GCSAML: variants seen among roughly 807,000 people sequenced by gnomAD.
The protein encoded by GCSAML is germinal center associated signaling and motility like.
GCSAML carries 9 observed loss-of-function variants against 13.0 expected under a neutral mutation model. That is an observed-to-expected ratio of 0.69 (90% CI 0.42 to 1.21). The LOEUF (loss-of-function observed/expected upper bound fraction) is 1.21. Ranked by LOEUF, GCSAML falls within the 50% of genes most tolerant of loss-of-function variation. GCSAML has a pLI of 0.00. For synonymous variants in GCSAML, 37 were observed against 52.9 expected, an observed-to-expected ratio of 0.70 and a Z score of 1.31; for missense variants, 143 against 153.4, an observed-to-expected ratio of 0.93 and a Z score of 0.36.
At chr1:247,537,707 G>A (rs114059300) in intron 2 of GCSAML, among the ~76,000 whole-genome samples, 2,634 of 151,808 alleles carry the variant, frequency 0.017, 77 homozygotes, top group African/African-American at 0.06. Context: ...TGGATACAAA[G>A]TGGCATCTCA....
intron 1 of GCSAML, among the ~76,000 whole-genome samples, chr1:247,552,944 C>T (rs533423148): frequency 1.6e-4 from 24 of 151,994 alleles, no homozygotes; most frequent in Non-Finnish European, 3.1e-4. Context: ...TTAGTGGAGA[C>T]GGGGTTTCAC....
chr1:247,535,777 A>G (rs1667196298), intron 2 of GCSAML, among the ~76,000 whole-genome samples: 1 of 152,186 alleles, frequency 6.6e-6, no homozygotes, highest in African/African-American at 2.4e-5. Flanking sequence ...AGATACTCAG[A>G]TTCTTAGTAC....
chr1:247,526,241 A>G lies in GCSAML; in HGVS notation c.-262-699A>G, dbSNP rs41305741. ...TGAATTCTTGCATTCCTTTCTTACCATGAGAAGCTTGCCATGTTGAGGGTG... is the reference window on the plus strand; with the variant it reads ...TGAATTCTTGCATTCCTTTCTTACCGTGAGAAGCTTGCCATGTTGAGGGTG... On this transcript the variant is annotated intron_variant, in intron 1 of 5. Transcript: ENST00000366489. The surrounding 1 kb of genome is among the most constrained non-coding windows in gnomAD (Gnocchi z 4.8). The G allele has an allele frequency of 0.19, 28,701 of 152,186 alleles. 2,878 individuals are homozygous for G. The highest frequency in any genetic ancestry group is 0.23 in the African/African-American group (9,726 of 41,510). The allele number at this position is 152,186 out of a possible 1,614,324, so 9.4% of individuals were successfully genotyped here.
chr1:247,532,542 T>C, intron 2 of GCSAML: 1 of 1,602,114 alleles, frequency 6.2e-7, no homozygotes, highest in Non-Finnish European at 8.5e-7. Flanking sequence ...AAAGGCCACC[T>C]GTGGGAAGAG....
chr1:247,520,718 A>G (rs1265993325), intron 1 of GCSAML, among the ~76,000 whole-genome samples: 1 of 151,996 alleles, frequency 6.6e-6, no homozygotes, highest in Admixed American at 6.5e-5. Flanking sequence ...TTCTTTTCTC[A>G]TGTTCAAATA....
At chr1:247,558,436 T>A (rs1344610201) in intron 2 of GCSAML, among the ~76,000 whole-genome samples, 1 of 152,192 alleles carries the variant, frequency 6.6e-6, no homozygotes, top group African/African-American at 2.4e-5. Context: ...AAATTCACCC[T>A]TCTCATATAT....
intron 2 of GCSAML, among the ~76,000 whole-genome samples, chr1:247,541,870 C>T (rs577536879): frequency 6.6e-6 from 1 of 151,962 alleles, no homozygotes. Flanking sequence ...ATTAGCCAGG[C>T]ATGGTGGTGC....
At chr1:247,554,037 A>C (rs935048809) in intron 1 of GCSAML, among the ~76,000 whole-genome samples, 23 of 152,160 alleles carry the variant, frequency 1.5e-4, no homozygotes, top group African/African-American at 5.6e-4. Context: ...TGTGATTTTT[A>C]AAAATTTGAT....
At chr1:247,561,937 C>T (rs1197933753) in intron 2 of GCSAML, among the ~76,000 whole-genome samples, 2 of 152,036 alleles carry the variant, frequency 1.3e-5, no homozygotes, top group South Asian at 2.1e-4. Flanking sequence ...ACCAAGGAGG[C>T]GTCTATTTGC....
rs1046957287 is a variant in GCSAML at position 247,576,185 on chromosome 1, C to T, written c.*1803C>T. On this transcript the variant is annotated 3_prime_UTR_variant, in exon 5 of 5. Transcript: ENST00000366488. The stretch of plus-strand genomic sequence containing the variant: ...ATTTTAAATAATTTTATGCCTGAAA[C>T]AGAGTTTGCGCACATTGGACCATCA... 6.6e-6 allele frequency: 1 copy of T among 152,084 alleles called. No homozygotes were observed. Among genetic ancestry groups the T allele is most frequent in the Non-Finnish European group, 1.5e-5 (1 of 68,026 alleles). The allele number at this position is 152,084 out of a possible 1,614,324, so 9.4% of individuals were successfully genotyped here. A position where few individuals can be genotyped will look rare whatever the true frequency, so the allele number is the denominator to read the frequency against.
At chr1:247,538,403 T>G (rs1396290234) in intron 2 of GCSAML, among the ~76,000 whole-genome samples, 1 of 152,196 alleles carries the variant, frequency 6.6e-6, no homozygotes, top group African/African-American at 2.4e-5. Context: ...ATGCCAAACT[T>G]CAGATTCACA....
intron 2 of GCSAML, among the ~76,000 whole-genome samples, chr1:247,541,418 C>T (rs934706655): frequency 6.6e-6 from 1 of 152,076 alleles, no homozygotes; most frequent in African/African-American, 2.4e-5. Flanking sequence ...CATTATATGT[C>T]GGTATTTTCC....
chr1:247,525,912 T>C (rs1461359967), intron 1 of GCSAML: 2 of 152,214 alleles, frequency 1.3e-5, no homozygotes, highest in African/African-American at 4.8e-5. Flanking sequence ...CCAAGGATTT[T>C]AGTAGTTGTA....
chr1:247,552,064 G>A (rs1243841209), intron 1 of GCSAML, among the ~76,000 whole-genome samples: 1 of 152,150 alleles, frequency 6.6e-6, no homozygotes, highest in African/African-American at 2.4e-5. Flanking sequence ...GCTGGCTTTG[G>A]GGAAAAGAGG....
chr1:247,569,417 G>C (rs562064783), intron 4 of GCSAML, among the ~76,000 whole-genome samples: 2 of 152,092 alleles, frequency 1.3e-5, no homozygotes, highest in Non-Finnish European at 2.9e-5. Context: ...TAGCATGAAG[G>C]GGTGTTAAAT....
intron 2 of GCSAML, among the ~76,000 whole-genome samples, chr1:247,560,468 C>T (rs1668086443): frequency 6.6e-6 from 1 of 152,130 alleles, no homozygotes; most frequent in African/African-American, 2.4e-5. Context: ...CCACCTTAAG[C>T]CGCCTTCCTG....
upstream of GCSAML, among the ~76,000 whole-genome samples, chr1:247,545,980 C>A (rs2859932): frequency 0.29 from 43,425 of 151,644 alleles, 7,134 homozygotes; most frequent in African/African-American, 0.46. Flanking sequence ...TCACGAAGAG[C>A]TACAAGGAAA....
rs748369614 is a variant in GCSAML at position 247,526,917 on chromosome 1, G to C, written c.-262-23G>C. ...GATGGGACTTCCCTCTATTTAGAAAGGTCTTCTTTCACTTTCTTTCAGGAT... is the reference window on the plus strand; with the variant it reads ...GATGGGACTTCCCTCTATTTAGAAACGTCTTCTTTCACTTTCTTTCAGGAT... On this transcript the variant is annotated intron_variant, in intron 1 of 5. Coordinates refer to the GCSAML transcript ENST00000366489. The surrounding 1 kb of genome is among the most constrained non-coding windows in gnomAD (Gnocchi z 4.8). The C allele has an allele frequency of 1.3e-5, 6 of 455,032 alleles. No individual in the cohort carries two copies. Among genetic ancestry groups the C allele is most frequent in the South Asian group, 9.4e-5 (6 of 64,024 alleles). 28.2% of individuals were successfully genotyped at this position (455,032 alleles called of 1,614,324 possible). A position where few individuals can be genotyped will look rare whatever the true frequency, so the allele number is the denominator to read the frequency against.
chr1:247,565,191 C>T (rs1409065522), intron 3 of GCSAML, among the ~76,000 whole-genome samples: 1 of 152,082 alleles, frequency 6.6e-6, no homozygotes, highest in African/African-American at 2.4e-5. Context: ...AACCCCGTCT[C>T]TACTAAAAAT....
Sources: gnomAD v4.1 joint callset for allele counts (sites outside exome capture counted in the v4.1 genomes callset) on GRCh38, gnomAD v4.1.1 for gene constraint, Gnocchi (gnomAD v3.1) non-coding constraint, MANE v1.5 for transcripts, NCBI Gene and HGNC (gene_info 2026-07-23, HGNC 2026-07-21) for gene names.